The following DLG2 variants were observed in gnomAD, a reference collection of about 807,000 sequenced individuals.
DLG2 encodes disks large homolog 2.
DLG2 carries 45 observed loss-of-function variants against 132.5 expected under a neutral mutation model. The ratio of observed to expected loss-of-function variants is 0.34; its 90% CI spans 0.27 to 0.44. The LOEUF (loss-of-function observed/expected upper bound fraction) is 0.44, where lower values mean the gene tolerates loss of function less well. DLG2 is among the 20% of genes least tolerant of loss of function. The probability of loss-of-function intolerance (pLI) is 1.00; values close to 1 mark genes in which losing one functional copy is unlikely to be tolerated. For synonymous variants in DLG2, 424 were observed against 419.6 expected, an observed-to-expected ratio of 1.01 and a Z score of -0.13; for missense variants, 1,045 against 1,196.9, an observed-to-expected ratio of 0.87 and a Z score of 1.87.
chr11:85,282,035 A>C (rs1353351633), intron 4 of DLG2, among the ~76,000 whole-genome samples: 1 of 151,974 alleles, frequency 6.6e-6, no homozygotes, highest in African/African-American at 2.4e-5. Context: ...CTAAAAAAAA[A>C]ATAAATAAAT....
intron 11 of DLG2, among the ~76,000 whole-genome samples, chr11:84,058,280 A>C (rs1288453645): frequency 6.6e-6 from 1 of 151,986 alleles, no homozygotes; most frequent in African/African-American, 2.4e-5. Flanking sequence ...TAATTATTAG[A>C]TTTTTTCCAA....
In DLG2 at chr11:84,590,786, T is replaced by C. The variant is rs187501266; in HGVS notation, c.358-56055A>G. On this transcript the variant is annotated intron_variant, in intron 6 of 27. Coordinates refer to ENST00000376104, the MANE Select transcript of DLG2 (RefSeq NM_001142699.3). Reference sequence around the variant, plus strand: ...GAATAATGCAGAAGTTCACCTCTCATAGAGCACGCAAACTTTTGAAGGAGG... The same window carrying C: ...GAATAATGCAGAAGTTCACCTCTCACAGAGCACGCAAACTTTTGAAGGAGG... 2.9e-3 allele frequency among the ~76,000 whole-genome samples: 438 copies of C among 152,250 alleles called. 4 individuals carry two copies. The highest frequency in any genetic ancestry group is 9.7e-3 in the African/African-American group (401 of 41,542).
intron 4 of DLG2, among the ~76,000 whole-genome samples, chr11:85,171,832 T>C (rs2078899220): frequency 6.6e-6 from 1 of 152,202 alleles, no homozygotes; most frequent in South Asian, 2.1e-4. Context: ...CAATACAGCA[T>C]AGCTGCCATG....
chr11:85,228,380 A>G (rs78453185), intron 4 of DLG2, among the ~76,000 whole-genome samples: 241 of 152,236 alleles, frequency 1.6e-3, no homozygotes, highest in African/African-American at 5.6e-3. Flanking sequence ...GAAATGTTTA[A>G]GAAGAATCAT....
chr11:83,579,902 G>A (rs2096940450), intron 19 of DLG2, among the ~76,000 whole-genome samples: 1 of 151,934 alleles, frequency 6.6e-6, no homozygotes. Flanking sequence ...CCTGGGAGGT[G>A]GAGGGTGCAG....
At chr11:85,126,883 G>A (rs953622283) in intron 5 of DLG2, among the ~76,000 whole-genome samples, 6 of 152,184 alleles carry the variant, frequency 3.9e-5, no homozygotes, top group African/African-American at 1.2e-4. Context: ...TTTCATGGAT[G>A]AGAAAACTGC....
At position 83,743,429 on chromosome 11, in the gene DLG2, A is replaced by ATTTTTTTTTTTTTTTTT. The variant is rs35572754; in HGVS notation, c.1825+43244_1825+43260dup. 3.9e-5 allele frequency among the ~76,000 whole-genome samples: 4 copies of ATTTTTTTTTTTTTTTTT among 103,836 alleles called. 1 individual carries two copies. The highest frequency in any genetic ancestry group is 1.7e-4 in the African/African-American group (3 of 17,316). 68.1% of individuals were successfully genotyped at this position (103,836 alleles called of 152,430 possible). ...CAATGTACATAACAGTGGGCAGGCC[A>ATTTTTTTTTTTTTTTTT]TTTTTTTTTTTTTTTTTTTTATGAC... On this transcript the variant is annotated intron_variant, in intron 18 of 27. Transcript: ENST00000376104.
At chr11:84,605,392 A>T (rs1396343038) in intron 6 of DLG2, among the ~76,000 whole-genome samples, 1 of 151,958 alleles carries the variant, frequency 6.6e-6, no homozygotes, top group Non-Finnish European at 1.5e-5. Flanking sequence ...AATTATGCAC[A>T]ATTTACATCA....
At chr11:84,040,624 C>G (rs902546852) in intron 11 of DLG2, among the ~76,000 whole-genome samples, 126 of 151,862 alleles carry the variant, frequency 8.3e-4, no homozygotes, top group Admixed American at 1.6e-3. Context: ...GTTACTGTAG[C>G]CTTGTAGTAT....
intron 6 of DLG2, among the ~76,000 whole-genome samples, chr11:85,045,861 T>C (rs1040619261): frequency 6.6e-6 from 1 of 152,072 alleles, no homozygotes; most frequent in African/African-American, 2.4e-5. Flanking sequence ...TCTCTAGCGA[T>C]GTCTGTTATT....
intron 8 of DLG2, among the ~76,000 whole-genome samples, chr11:84,175,677 C>T (rs1023055456): frequency 1.3e-5 from 2 of 151,960 alleles, no homozygotes; most frequent in Non-Finnish European, 2.9e-5. Flanking sequence ...TCTTTTCATC[C>T]CATTTAAAAA....
intron 9 of DLG2, among the ~76,000 whole-genome samples, chr11:84,127,963 C>T (rs989092255): frequency 2.3e-4 from 35 of 152,300 alleles, no homozygotes; most frequent in Admixed American, 1.2e-3. Flanking sequence ...ACAATACCAA[C>T]GCTTAACATC....
At chr11:85,590,649 C>CTATA (rs1404317327) in intron 3 of DLG2, among the ~76,000 whole-genome samples, 2 of 150,618 alleles carry the variant, frequency 1.3e-5, no homozygotes, top group African/African-American at 4.9e-5. Flanking sequence ...CTCTCTCTCT[C>CTATA]TCTATATATA....
At chr11:84,843,763 T>A (rs930146636) in intron 6 of DLG2, among the ~76,000 whole-genome samples, 1 of 151,804 alleles carries the variant, frequency 6.6e-6, no homozygotes, top group African/African-American at 2.4e-5. Context: ...AAAAAGTCTA[T>A]ACATGTTCAA....
chr11:84,899,945 T>C (rs1294564869), intron 6 of DLG2, among the ~76,000 whole-genome samples: 1 of 152,054 alleles, frequency 6.6e-6, no homozygotes, highest in Non-Finnish European at 1.5e-5. Context: ...CACTCAATAG[T>C]ACCTTAGTGG....
At chr11:83,506,691 G>A (rs542474903) in intron 21 of DLG2, among the ~76,000 whole-genome samples, 1 of 152,224 alleles carries the variant, frequency 6.6e-6, no homozygotes, top group African/African-American at 2.4e-5. Flanking sequence ...CTGGGGATGG[G>A]GAAGCTGTTT....
At chr11:85,145,863 T>C (rs1293497857) in intron 5 of DLG2, among the ~76,000 whole-genome samples, 1 of 152,140 alleles carries the variant, frequency 6.6e-6, no homozygotes, top group Admixed American at 6.6e-5. Flanking sequence ...TAGTAGATCA[T>C]GTTTTCCTGG....
At chr11:85,555,733 T>C (rs1027656104) in intron 3 of DLG2, among the ~76,000 whole-genome samples, 2 of 151,832 alleles carry the variant, frequency 1.3e-5, no homozygotes, top group African/African-American at 4.8e-5. Context: ...CTCCAAGAGA[T>C]TATCTAGGGA....
chr11:84,040,895 C>G (rs1310376969), intron 11 of DLG2, among the ~76,000 whole-genome samples: 1 of 151,592 alleles, frequency 6.6e-6, no homozygotes, highest in Non-Finnish European at 1.5e-5. Flanking sequence ...CTTTTATTTC[C>G]TTGAGCAGTG....
Sources: allele counts gnomAD v4.1 joint callset (sites outside exome capture counted in the v4.1 genomes callset), GRCh38; gene constraint gnomAD v4.1.1; transcripts MANE v1.5; gene names NCBI Gene and HGNC (gene_info 2026-07-23, HGNC 2026-07-21).